FTO: variants seen among roughly 807,000 people sequenced by gnomAD.
FTO encodes alpha-ketoglutarate-dependent dioxygenase FTO.
FTO carries 47 observed loss-of-function variants against 63.9 expected under a neutral mutation model. The observed-to-expected ratio is 0.74, with a 90% CI of 0.58 to 0.94. The LOEUF is 0.94. Ranked by LOEUF, FTO falls within the 40% of genes least tolerant of loss-of-function variation. The pLI is 0.00. For synonymous variants in FTO, 207 were observed against 224.4 expected (o/e 0.92, Z 0.69); for missense variants, 562 against 618.1 (o/e 0.91, Z 0.96).
intron 8 of FTO, among the ~76,000 whole-genome samples, chr16:54,005,660 A>G (rs1452568866): frequency 6.6e-6 from 1 of 152,188 alleles, no homozygotes; most frequent in East Asian, 1.9e-4. Flanking sequence ...TTCATTCATG[A>G]TTCATGAAGT....
intron 1 of FTO, among the ~76,000 whole-genome samples, chr16:53,737,637 T>G (rs577375147): frequency 3.3e-5 from 5 of 152,340 alleles, no homozygotes; most frequent in African/African-American, 1.2e-4. Context: ...CATATGTGGA[T>G]GTAAGAAGGA....
intron 8 of FTO, among the ~76,000 whole-genome samples, chr16:54,109,948 G>A (rs1216182269): frequency 6.6e-6 from 1 of 151,994 alleles, no homozygotes; most frequent in Non-Finnish European, 1.5e-5. Flanking sequence ...TGCTCAATTT[G>A]GAATAACTTT....
At chr16:53,781,043 A>G (rs1200732399) in intron 1 of FTO, among the ~76,000 whole-genome samples, 2 of 152,202 alleles carry the variant, frequency 1.3e-5, no homozygotes, top group African/African-American at 4.8e-5. Context: ...TGAGGGAAAG[A>G]ATCTTATGTG....
intron 1 of FTO, among the ~76,000 whole-genome samples, chr16:53,717,006 T>TA (rs904237564): frequency 6.6e-6 from 1 of 151,734 alleles, no homozygotes; most frequent in African/African-American, 2.4e-5. Context: ...TGCTTTTTTT[T>TA]ACCATCCAGT....
intron 8 of FTO, among the ~76,000 whole-genome samples, chr16:54,036,158 G>A (rs1373294605): frequency 1.3e-5 from 2 of 152,130 alleles, no homozygotes; most frequent in African/African-American, 2.4e-5. Context: ...CACAAAAAAA[G>A]CTCATGTTTT....
chr16:53,908,920 C>T (rs2081609711), intron 7 of FTO, among the ~76,000 whole-genome samples: 1 of 152,110 alleles, frequency 6.6e-6, no homozygotes, highest in South Asian at 2.1e-4. Flanking sequence ...TTATAGCCTT[C>T]TGTGTTTATA....
intron 8 of FTO, among the ~76,000 whole-genome samples, chr16:54,104,936 C>T (rs2086716186): frequency 6.6e-6 from 1 of 152,188 alleles, no homozygotes; most frequent in South Asian, 2.1e-4. Context: ...AAAAATAGGA[C>T]TTGTATCACA....
intron 3 of FTO, among the ~76,000 whole-genome samples, chr16:53,834,316 G>A (rs373637355): frequency 7.2e-5 from 11 of 152,234 alleles, no homozygotes; most frequent in South Asian, 4.2e-4. Flanking sequence ...GAGCCACCGC[G>A]CCCGGCCTGA....
At chr16:53,813,180 C>CTAA (rs1248548413) in intron 2 of FTO, among the ~76,000 whole-genome samples, 1 of 151,944 alleles carries the variant, frequency 6.6e-6, no homozygotes, top group Non-Finnish European at 1.5e-5. Context: ...ATACTAATAT[C>CTAA]TAATCACTCT....
At chr16:53,985,501 T>C (rs142856441) in intron 8 of FTO, among the ~76,000 whole-genome samples, 3,663 of 152,336 alleles carry the variant, frequency 0.024, 61 homozygotes, top group South Asian at 0.087. Context: ...AATCTTTAAA[T>C]GCATGGGACC....
At chr16:53,754,709 A>ATG (rs1344473332) in intron 1 of FTO, among the ~76,000 whole-genome samples, 2 of 152,218 alleles carry the variant, frequency 1.3e-5, no homozygotes, top group Non-Finnish European at 2.9e-5. Flanking sequence ...CATGATACAC[A>ATG]ATGCACCAAA....
chr16:53,815,636 G>GTTTTTTTTTTTTTTTTTTTTTTTTTTTTT (rs556357629), intron 2 of FTO, among the ~76,000 whole-genome samples: 1 of 98,160 alleles, frequency 1.0e-5, no homozygotes, highest in African/African-American at 5.4e-5. Flanking sequence ...TGACTTTCTT[G>GTTTTTTTTTTTTTTTTTTTTTTTTTTTTT]TTTTTTTTTT....
intron 8 of FTO, among the ~76,000 whole-genome samples, chr16:54,000,174 G>T (rs1365707286): frequency 6.6e-6 from 1 of 152,102 alleles, no homozygotes; most frequent in Non-Finnish European, 1.5e-5. Flanking sequence ...CTCCTGTTTG[G>T]TTGCAAACTT....
chr16:54,007,872 T>G (rs1224170888), intron 8 of FTO, among the ~76,000 whole-genome samples: 1 of 152,216 alleles, frequency 6.6e-6, no homozygotes, highest in East Asian at 1.9e-4. Flanking sequence ...AAACACTGTC[T>G]CCAGGCTATT....
intron 8 of FTO, among the ~76,000 whole-genome samples, chr16:53,961,740 A>T (rs1472503033): frequency 2.0e-5 from 3 of 152,154 alleles, no homozygotes; most frequent in Non-Finnish European, 2.9e-5. Flanking sequence ...ATATGTTGGG[A>T]TCTACCCTGG....
At position 54,111,940 on chromosome 16, in the gene FTO, G is replaced by C; in HGVS notation, c.*25G>C. On this transcript the variant is annotated 3_prime_UTR_variant, in exon 9 of 9. Coordinates refer to ENST00000471389, the MANE Select transcript of FTO (RefSeq NM_001080432.3). ...GAAGGAGCACAAGTCTCAGGCGGAGGAGAAAAAGAGATCGGCTTTTCTCCT... is the reference window on the plus strand; with the variant it reads ...GAAGGAGCACAAGTCTCAGGCGGAGCAGAAAAAGAGATCGGCTTTTCTCCT... 6.2e-7 allele frequency: 1 copy of C among 1,613,806 alleles called. No homozygotes were observed. The highest frequency in any genetic ancestry group is 1.1e-5 in the South Asian group (1 of 91,058).
intron 1 of FTO, among the ~76,000 whole-genome samples, chr16:53,803,362 T>A (rs897120237): frequency 6.6e-6 from 1 of 152,194 alleles, no homozygotes; most frequent in African/African-American, 2.4e-5. Context: ...CTAGATTTTT[T>A]TGTATGTTGT....
chr16:53,845,517 A>G (rs769731461), intron 4 of FTO, among the ~76,000 whole-genome samples: 6 of 152,236 alleles, frequency 3.9e-5, no homozygotes, highest in Admixed American at 1.3e-4. Flanking sequence ...TTTGGTCACA[A>G]TCATGTACTT....
At chr16:53,717,992 C>A (rs1003448489) in intron 1 of FTO, among the ~76,000 whole-genome samples, 5 of 152,050 alleles carry the variant, frequency 3.3e-5, no homozygotes, top group Non-Finnish European at 5.9e-5. Flanking sequence ...TTTGAGAAGA[C>A]AACCTAAATT....
Sources: gnomAD v4.1 joint callset for allele counts (sites outside exome capture counted in the v4.1 genomes callset) on GRCh38, gnomAD v4.1.1 for gene constraint, MANE v1.5 for transcripts, NCBI Gene and HGNC (gene_info 2026-07-23, HGNC 2026-07-21) for gene names.